Variants in ABTB2 observed in about 807,000 individuals in gnomAD.
The protein encoded by ABTB2 is ankyrin repeat and BTB/POZ domain-containing protein 2.
In ABTB2, 56 loss-of-function variants were observed where a neutral mutation model predicts 104.1. The observed-to-expected ratio is 0.54, with a 90% CI of 0.43 to 0.67. The LOEUF is 0.67. ABTB2 is among the 30% of genes least tolerant of loss of function. The probability of loss-of-function intolerance (pLI) is 0.00; values close to 1 mark genes in which losing one functional copy is unlikely to be tolerated. For missense variants in ABTB2, 1,279 were observed against 1,407.7 expected, an observed-to-expected ratio of 0.91 and a Z score of 1.46; for synonymous variants, 606 against 608.2, an observed-to-expected ratio of 1.00 and a Z score of 0.05.
intron 1 of ABTB2, among the ~76,000 whole-genome samples, chr11:34,340,825 A>G (rs1353416886): frequency 6.6e-6 from 1 of 152,196 alleles, no homozygotes; most frequent in Non-Finnish European, 1.5e-5. Flanking sequence ...GGTGGAAGAA[A>G]CAGTCCCTGA....
At chr11:34,274,666 G>C (rs1854363332) in intron 1 of ABTB2, among the ~76,000 whole-genome samples, 1 of 151,374 alleles carries the variant, frequency 6.6e-6, no homozygotes, top group Non-Finnish European at 1.5e-5. Context: ...GAAAAATACA[G>C]GTCATTTTTT....
intron 1 of ABTB2, among the ~76,000 whole-genome samples, chr11:34,349,682 G>A (rs994078480): frequency 6.6e-6 from 1 of 152,208 alleles, no homozygotes; most frequent in African/African-American, 2.4e-5. Flanking sequence ...TTATAGAGCT[G>A]TGTTTCACAG....
intron 1 of ABTB2, among the ~76,000 whole-genome samples, chr11:34,269,215 GC>G (rs1278362627): frequency 6.6e-6 from 1 of 152,194 alleles, no homozygotes; most frequent in African/African-American, 2.4e-5. Context: ...ACAAACGAAT[GC>G]TGTGGTTTTC....
chr11:34,235,367 T>A (rs919831112), intron 1 of ABTB2, among the ~76,000 whole-genome samples: 8 of 152,206 alleles, frequency 5.3e-5, no homozygotes, highest in Admixed American at 3.9e-4. Context: ...CCTCAGTTTC[T>A]TCATCTGTAA....
At chr11:34,208,354 G>A (rs901135877) in intron 1 of ABTB2, among the ~76,000 whole-genome samples, 5 of 152,114 alleles carry the variant, frequency 3.3e-5, no homozygotes, top group Non-Finnish European at 7.4e-5. Flanking sequence ...GGGAACATTT[G>A]CCTTTATTCC....
chr11:34,335,404 A>G (rs769399056), intron 1 of ABTB2: 18 of 809,200 alleles, frequency 2.2e-5, no homozygotes, highest in Non-Finnish European at 3.7e-5. Flanking sequence ...AACTTTTCTA[A>G]GAGCACTTCT....
chr11:34,314,718 G>A (rs565031226), intron 1 of ABTB2, among the ~76,000 whole-genome samples: 1 of 152,180 alleles, frequency 6.6e-6, no homozygotes, highest in Admixed American at 6.5e-5. Context: ...CTCTTAGAAG[G>A]ACTGGCTAGA....
intron 1 of ABTB2, among the ~76,000 whole-genome samples, chr11:34,313,401 A>G (rs1854882560): frequency 6.6e-6 from 1 of 152,156 alleles, no homozygotes; most frequent in Non-Finnish European, 1.5e-5. Flanking sequence ...AGCTCCTTAC[A>G]AGCCACCTGG....
chr11:34,176,003 T>C (rs1281455782), intron 3 of ABTB2, among the ~76,000 whole-genome samples: 16 of 152,150 alleles, frequency 1.1e-4, no homozygotes, highest in Non-Finnish European at 2.4e-4. Flanking sequence ...AAAGGGGGGC[T>C]GGGTGCGGTG....
At chr11:34,350,738 G>A (rs1229568139) in intron 1 of ABTB2, among the ~76,000 whole-genome samples, 1 of 152,196 alleles carries the variant, frequency 6.6e-6, no homozygotes, top group East Asian at 1.9e-4. Context: ...TGTTGTTCTT[G>A]CTATGAGTTT....
intron 16 of ABTB2, among the ~76,000 whole-genome samples, chr11:34,153,786 A>G (rs1852582176): frequency 6.6e-6 from 1 of 152,202 alleles, no homozygotes; most frequent in Non-Finnish European, 1.5e-5. Flanking sequence ...AGGGAAGTGG[A>G]GAAACCGCTG....
intron 1 of ABTB2, among the ~76,000 whole-genome samples, chr11:34,299,010 G>A (rs1854663860): frequency 6.6e-6 from 1 of 152,190 alleles, no homozygotes; most frequent in Non-Finnish European, 1.5e-5. Context: ...GCTTTTCAGG[G>A]ACGTCTGCAT....
intron 1 of ABTB2, among the ~76,000 whole-genome samples, chr11:34,234,258 GA>G (rs1314532596): frequency 6.6e-6 from 1 of 152,188 alleles, no homozygotes; most frequent in Non-Finnish European, 1.5e-5. Flanking sequence ...GTCATGCTGA[GA>G]AGCTATTTGC....
chr11:34,214,139 A>AACACACACACACACACACACACACACAC (rs10529537), intron 1 of ABTB2, among the ~76,000 whole-genome samples: 14 of 139,270 alleles, frequency 1.0e-4, no homozygotes, highest in African/African-American at 3.7e-4. Flanking sequence ...GCACATTCAA[A>AACACACACACACACACACACACACACAC]ACACACACAC....
chr11:34,209,898 T>C, intron 1 of ABTB2, among the ~76,000 whole-genome samples: 1 of 147,992 alleles, frequency 6.8e-6, no homozygotes, highest in African/African-American at 2.5e-5. Context: ...GTAGGGTCAA[T>C]GGTAGGGGTA....
intron 1 of ABTB2, among the ~76,000 whole-genome samples, chr11:34,212,703 G>A (rs1387008540): frequency 2.6e-5 from 4 of 152,194 alleles, no homozygotes; most frequent in Admixed American, 2.6e-4. Flanking sequence ...CACCCCATCA[G>A]CACTGTGCTT....
chr11:34,223,118 C>A (rs1853645153), intron 1 of ABTB2, among the ~76,000 whole-genome samples: 1 of 152,210 alleles, frequency 6.6e-6, no homozygotes, highest in East Asian at 1.9e-4. Flanking sequence ...CCCTGTGGGG[C>A]TATAAACGTC....
At chr11:34,197,674 C>A (rs1486429115) in intron 2 of ABTB2, 136 bp from the exon 3 acceptor site, 1 of 648,364 alleles carries the variant, frequency 1.5e-6, no homozygotes, top group Admixed American at 3.2e-5. Context: ...GTTTGCCCTG[C>A]AGCCAACAGG....
chr11:34,249,682 T>C (rs1167141940), intron 1 of ABTB2, among the ~76,000 whole-genome samples: 1 of 152,234 alleles, frequency 6.6e-6, no homozygotes, highest in Non-Finnish European at 1.5e-5. Flanking sequence ...TCTTGCTCTG[T>C]TGCCGAGGCT....
Sources: allele counts gnomAD v4.1 joint callset (sites outside exome capture counted in the v4.1 genomes callset), GRCh38; gene constraint gnomAD v4.1.1; transcripts MANE v1.5; gene names NCBI Gene and HGNC (gene_info 2026-07-23, HGNC 2026-07-21).